PPM1G: variants seen among roughly 807,000 people sequenced by gnomAD.
PPM1G encodes the protein protein phosphatase 1G.
A neutral mutation model predicts 59.4 loss-of-function variants in PPM1G; 12 were observed. The observed-to-expected ratio is 0.20, with a 90% CI of 0.13 to 0.33. The LOEUF (loss-of-function observed/expected upper bound fraction) is 0.33. Among genes scored for constraint, PPM1G ranks in the 10% least tolerant of loss-of-function variants. The pLI, the probability that PPM1G is intolerant of heterozygous loss-of-function variation, is 1.00. For synonymous variants in PPM1G, 245 were observed against 251.9 expected (o/e 0.97, Z 0.26); for missense variants, 392 against 681.3 (o/e 0.58, Z 4.73).
intron 1 of PPM1G, among the ~76,000 whole-genome samples, chr2:27,400,380 C>T (rs566254491): frequency 5.3e-5 from 8 of 152,108 alleles, no homozygotes; most frequent in Admixed American, 2.6e-4. Context: ...CCAGCCTGGG[C>T]GACAGAGGGA....
intron 1 of PPM1G, chr2:27,392,855 C>A: frequency 1.4e-6 from 2 of 1,473,460 alleles, no homozygotes; most frequent in Non-Finnish European, 1.9e-6. Flanking sequence ...GATTCGGGCG[C>A]TCCCATCTCG....
At chr2:27,393,282 A>G in intron 1 of PPM1G, 1 of 1,597,064 alleles carries the variant, frequency 6.3e-7, no homozygotes, top group East Asian at 2.2e-5. Flanking sequence ...GGAGGCGTAG[A>G]GCTCCAGGTT....
At chr2:27,393,566 G>A (rs114958348) in intron 1 of PPM1G, among the ~76,000 whole-genome samples, 3,188 of 152,220 alleles carry the variant, frequency 0.021, 124 homozygotes, top group African/African-American at 0.073. Context: ...CACTCTCGGC[G>A]AAGAACGTCT....
At chr2:27,407,005 G>A (rs1235967896) in intron 1 of PPM1G, among the ~76,000 whole-genome samples, 18 of 142,908 alleles carry the variant, frequency 1.3e-4, no homozygotes, top group Admixed American at 2.2e-4. Flanking sequence ...TCACTCTGTC[G>A]CCCAGGCTGG....
chr2:27,385,381 C>T lies in PPM1G; in HGVS notation c.410-293G>A. On this transcript the variant is annotated intron_variant, in intron 4 of 9. Coordinates refer to ENST00000344034, the MANE Select transcript of PPM1G (RefSeq NM_177983.3). This position sits in a 1 kb window ranked among gnomAD's most constrained non-coding sequence, Gnocchi z 4.1. Reference sequence around the variant, plus strand: ...TAAAAACCCTATTCTGGCTGAGGATCCAGGAAGCCCACAATGCTACTGTGA... The same window carrying T: ...TAAAAACCCTATTCTGGCTGAGGATTCAGGAAGCCCACAATGCTACTGTGA... 1 of 420,536 alleles carries T rather than the reference C, an allele frequency of 2.4e-6. No homozygotes were observed. Among genetic ancestry groups the T allele is most frequent in the Non-Finnish European group, 4.2e-6 (1 of 238,514 alleles). The allele number at this position is 420,536 out of a possible 1,614,324, so 26.1% of individuals were successfully genotyped here.
chr2:27,403,827 C>T (rs1003789113), intron 1 of PPM1G, among the ~76,000 whole-genome samples: 1 of 150,360 alleles, frequency 6.7e-6, no homozygotes, highest in African/African-American at 2.5e-5. Flanking sequence ...GCCAGTGAGC[C>T]GAGATCACAC....
At position 27,387,073 on chromosome 2, in the gene PPM1G, G is replaced by T; in HGVS notation, c.190+16C>A. 1.3e-6 allele frequency: 2 copies of T among 1,589,074 alleles called. No homozygotes were observed. Among genetic ancestry groups the T allele is most frequent in the South Asian group, 1.1e-5 (1 of 90,560 alleles). On this transcript the variant is annotated intron_variant, in intron 2 of 9. Transcript: ENST00000344034. ...TGGGGTCCTAGAATGTTACCAATAT[G>T]ATCTGTTAAAGTTACCTCCATGTCC...
intron 1 of PPM1G, among the ~76,000 whole-genome samples, chr2:27,398,907 G>A (rs532234334): frequency 1.3e-5 from 2 of 152,176 alleles, no homozygotes; most frequent in African/African-American, 4.8e-5. Flanking sequence ...CACTTTGGGA[G>A]GCTGAGGCAG....
intron 1 of PPM1G, among the ~76,000 whole-genome samples, chr2:27,395,098 G>C (rs946457733): frequency 6.7e-6 from 1 of 150,370 alleles, no homozygotes. Flanking sequence ...GGGCGTGGTG[G>C]TGCATGCCTG....
Position 27,382,041 on chromosome 2 carries a change from C to T in PPM1G, c.1434+85G>A. 7.4e-7 allele frequency: 1 copy of T among 1,350,290 alleles called. No homozygotes were observed. The highest frequency in any genetic ancestry group is 1.1e-6 in the Non-Finnish European group (1 of 948,428). 83.6% of individuals were successfully genotyped at this position (1,350,290 alleles called of 1,614,324 possible). A position where few individuals can be genotyped will look rare whatever the true frequency, so the allele number is the denominator to read the frequency against. ...CTGTCAGCAATTACTGATAATGCTC[C>T]CAGATTGCCGACTTAGCTCAGATTA... On this transcript the variant is annotated intron_variant, in intron 9 of 9. Coordinates refer to ENST00000344034, the MANE Select transcript of PPM1G (RefSeq NM_177983.3). This position sits in a 1 kb window ranked among gnomAD's most constrained non-coding sequence, Gnocchi z 4.2.
At chr2:27,402,808 AT>A (rs1213749241) in intron 1 of PPM1G, among the ~76,000 whole-genome samples, 1 of 20,408 alleles carries the variant, frequency 4.9e-5, no homozygotes, top group Non-Finnish European at 9.1e-5. Flanking sequence ...CTCCATCTCA[AT>A]AAATAAATAA....
At chr2:27,391,248 G>A (rs1435545990) in intron 1 of PPM1G, among the ~76,000 whole-genome samples, 1 of 152,188 alleles carries the variant, frequency 6.6e-6, no homozygotes, top group East Asian at 1.9e-4. Context: ...TTAGTTCTCT[G>A]AGAAATCTCC....
In PPM1G at chr2:27,393,013, T is replaced by C. The variant is rs185819797; in HGVS notation, c.121-5855A>G. The C allele has an allele frequency of 1.0e-5, 15 of 1,495,030 alleles. No individual in the cohort carries two copies. The African/African-American group carries it at 1.6e-4, about 16-fold the overall frequency. 92.6% of individuals were successfully genotyped at this position (1,495,030 alleles called of 1,614,324 possible). On this transcript the variant is annotated intron_variant, in intron 1 of 9. Coordinates refer to ENST00000344034, the MANE Select transcript of PPM1G (RefSeq NM_177983.3). ...CAGTAGTGACTGATTCACATTTTTT[T>C]CCAAATGTAATGCAAAATGCACAAT...
In PPM1G at chr2:27,384,134, C is replaced by T. The variant is rs1683706785; in HGVS notation, c.826-42G>A. ...CCCAGACTGCTGAGACTGGGATGAT[C>T]CCCTCCCTCCCCACAGCTCATACTC... On this transcript the variant is annotated intron_variant, in intron 5 of 9. Transcript: ENST00000344034. The surrounding 1 kb of genome is among the most constrained non-coding windows in gnomAD (Gnocchi z 4.8). 1.9e-6 allele frequency: 3 copies of T among 1,612,750 alleles called. No individual in the cohort carries two copies. Among genetic ancestry groups the T allele is most frequent in the Non-Finnish European group, 2.5e-6 (3 of 1,179,400 alleles).
chr2:27,381,262 A>G lies in PPM1G; in HGVS notation c.*337T>C, dbSNP rs1159792373. 7.6e-6 allele frequency: 3 copies of G among 392,462 alleles called. No individual in the cohort carries two copies. Among genetic ancestry groups the G allele is most frequent in the Admixed American group, 3.9e-5 (1 of 25,780 alleles). The allele number at this position is 392,462 out of a possible 1,614,324, so 24.3% of individuals were successfully genotyped here. On this transcript the variant is annotated 3_prime_UTR_variant, in exon 10 of 10. Transcript: ENST00000344034. ...AAGTGTACAACAGAGAGCGGGTGCA[A>G]GCGGCCGAGGGCCATGGAGCCGCCA...
chr2:27,405,811 T>C (rs1163698916), intron 1 of PPM1G, among the ~76,000 whole-genome samples: 2 of 151,938 alleles, frequency 1.3e-5, no homozygotes, highest in East Asian at 3.9e-4. Flanking sequence ...GAGACCAGCC[T>C]GACCAACATG....
chr2:27,391,811 A>C (rs1279814948), intron 1 of PPM1G, among the ~76,000 whole-genome samples: 2 of 149,472 alleles, frequency 1.3e-5, no homozygotes, highest in African/African-American at 4.9e-5. Context: ...GGCTCATCAC[A>C]ACCTCTGCCT....
intron 1 of PPM1G, among the ~76,000 whole-genome samples, chr2:27,400,583 G>A (rs1684159358): frequency 6.6e-6 from 1 of 152,030 alleles, no homozygotes; most frequent in African/African-American, 2.4e-5. Flanking sequence ...GTAAGACCCT[G>A]TCTCCATGAA....
At chr2:27,398,714 C>T (rs559966492) in intron 1 of PPM1G, among the ~76,000 whole-genome samples, 71 of 150,066 alleles carry the variant, frequency 4.7e-4, no homozygotes, top group African/African-American at 1.7e-3. Flanking sequence ...CCTAGCTACT[C>T]GGGAGGCTGA....
Sources: allele counts gnomAD v4.1 joint callset (sites outside exome capture counted in the v4.1 genomes callset), GRCh38; gene constraint gnomAD v4.1.1; non-coding constraint Gnocchi (gnomAD v3.1); transcripts MANE v1.5; gene names NCBI Gene and HGNC (gene_info 2026-07-23, HGNC 2026-07-21).